The following VWA8 variants were observed in gnomAD, a reference collection of about 807,000 sequenced individuals.
VWA8 encodes the protein von Willebrand factor A domain containing 8, also known as von Willebrand factor A domain-containing protein 8.
In VWA8, 221 loss-of-function variants were observed where a neutral mutation model predicts 241.5. That is an observed-to-expected ratio of 0.91 (90% CI 0.82 to 1.02). The LOEUF is 1.02. Ranked by LOEUF, VWA8 falls within the 50% of genes least tolerant of loss-of-function variation. The pLI, the probability that VWA8 is intolerant of heterozygous loss-of-function variation, is 0.00. For synonymous variants in VWA8, 852 were observed against 827.1 expected (o/e 1.03, Z -0.52); for missense variants, 2,322 against 2,328.7 (o/e 1.00, Z 0.06).
rs767649983 is a variant in VWA8, at chr13:41,699,229, C to A, written c.3406G>T (p.Ala1136Ser). 9 of 1,614,056 alleles carry A rather than the reference C, an allele frequency of 5.6e-6. No individual in the cohort carries two copies. In the Admixed American group the frequency reaches 1.3e-4, roughly 24 times the overall value. ...GTCATATTCATAAAGTACAGGGAAGCGGGATTGCATGTAACTACATAGAGA... is the reference window on the plus strand; with the variant it reads ...GTCATATTCATAAAGTACAGGGAAGAGGGATTGCATGTAACTACATAGAGA... ...NTLYVVTCNP[A>S]SLYFMNMTGK... The change falls in exon 29 of 45, where the codon GCT becomes TCT. Residue 1136 changes from alanine to serine, a missense_variant. By Grantham distance (99) the Ala-to-Ser change is moderately conservative. Coordinates refer to ENST00000379310, the MANE Select transcript of VWA8 (RefSeq NM_015058.2).
intron 21 of VWA8, among the ~76,000 whole-genome samples, chr13:41,740,353 T>C (rs1340067796): frequency 6.6e-6 from 1 of 152,234 alleles, no homozygotes; most frequent in Non-Finnish European, 1.5e-5. Flanking sequence ...TTGAAAGCTA[T>C]TCCATAATAT....
chr13:41,627,463 C>T (rs560040330), intron 37 of VWA8, among the ~76,000 whole-genome samples: 1 of 152,070 alleles, frequency 6.6e-6, no homozygotes, highest in East Asian at 1.9e-4. Context: ...TCGCTAGGGC[C>T]GCTCAGGGAG....
intron 9 of VWA8, among the ~76,000 whole-genome samples, chr13:41,872,573 C>T (rs907073702): frequency 9.9e-5 from 15 of 152,108 alleles, no homozygotes; most frequent in Non-Finnish European, 7.4e-5. Context: ...AATCCTTTCC[C>T]CATTGCTTGT....
intron 35 of VWA8, among the ~76,000 whole-genome samples, chr13:41,683,118 C>A (rs2045111798): frequency 6.6e-6 from 1 of 152,064 alleles, no homozygotes; most frequent in African/African-American, 2.4e-5. Flanking sequence ...CTTATGTTCA[C>A]TTAAAAACCT....
intron 42 of VWA8, among the ~76,000 whole-genome samples, chr13:41,583,642 C>CAAAAAAAAAAA (rs935505646): frequency 9.5e-5 from 4 of 42,170 alleles, no homozygotes; most frequent in Non-Finnish European, 1.9e-4. Context: ...GACTCCATCT[C>CAAAAAAAAAAA]AAAAAAAAAA....
rs1241341638 is a variant in VWA8 at position 41,758,226 on chromosome 13, G to A, written c.2426+2902C>T. Among the ~76,000 whole-genome samples, 192 of 150,594 alleles carry A rather than the reference G, an allele frequency of 1.3e-3. 1 individual carries two copies. The highest frequency in any genetic ancestry group is 1.6e-4 in the Non-Finnish European group (11 of 67,284). On this transcript the variant is annotated intron_variant, in intron 21 of 44. Coordinates refer to ENST00000379310, the MANE Select transcript of VWA8 (RefSeq NM_015058.2). ...TAGAAGTATTTGAAGAAATAATGGT[G>A]TCTATTGACCTTGTTACACACTATT...
At chr13:41,889,415 C>T (rs1303725364) in intron 5 of VWA8, among the ~76,000 whole-genome samples, 1 of 151,666 alleles carries the variant, frequency 6.6e-6, no homozygotes, top group East Asian at 1.9e-4. Flanking sequence ...GTCTCGCTCC[C>T]TCACCCAGGC....
At chr13:41,808,086 A>G (rs1329794206) in intron 17 of VWA8, 1 of 152,254 alleles carries the variant, frequency 6.6e-6, no homozygotes, top group African/African-American at 2.4e-5. Context: ...CAGACAAAAT[A>G]GACTTCAAGA....
At chr13:41,708,630 T>A (rs1260525719) in intron 26 of VWA8, among the ~76,000 whole-genome samples, 2 of 152,218 alleles carry the variant, frequency 1.3e-5, no homozygotes, top group Non-Finnish European at 2.9e-5. Context: ...TGCATTTAGC[T>A]ATTATGGCTT....
intron 4 of VWA8, among the ~76,000 whole-genome samples, chr13:41,904,720 A>G (rs1875621025): frequency 6.6e-6 from 1 of 152,156 alleles, no homozygotes; most frequent in Non-Finnish European, 1.5e-5. Context: ...TAAGTTTTAA[A>G]TGTATTAAAA....
chr13:41,901,892 ATAT>A lies in VWA8; in HGVS notation c.483+5691_483+5693del, dbSNP rs1875463811. The stretch of plus-strand genomic sequence containing the variant: ...AAAAAAAAAAAAAAAAAAAAAAAAT[ATAT>A]ATATATATATATATATATACACACA... On this transcript the variant is annotated intron_variant, in intron 4 of 44. Coordinates refer to ENST00000379310, the MANE Select transcript of VWA8 (RefSeq NM_015058.2). 4.1e-4 allele frequency among the ~76,000 whole-genome samples: 35 copies of A among 85,652 alleles called. No individual in the cohort carries two copies. In the East Asian group the frequency reaches 6.3e-3, roughly 15 times the overall value. The allele number at this position is 85,652 out of a possible 152,430, so 56.2% of individuals were successfully genotyped here. A position where few individuals can be genotyped will look rare whatever the true frequency, so the allele number is the denominator to read the frequency against.
At chr13:41,724,173 G>A (rs2045413830) in intron 24 of VWA8, among the ~76,000 whole-genome samples, 1 of 152,118 alleles carries the variant, frequency 6.6e-6, no homozygotes, top group Admixed American at 6.6e-5. Context: ...AGTCACTAAT[G>A]ACCTAGATAA....
rs147217022 is a variant in VWA8, at chr13:41,856,104, G to A, written c.1425+9632C>T. Among the ~76,000 whole-genome samples the A allele has an allele frequency of 4.1e-4, 63 of 152,280 alleles. 2 individuals are homozygous for A. The East Asian group carries it at 6.4e-3, about 15-fold the overall frequency. ...TAGTCTCAGCACTTTGGGAGGCCAA[G>A]GTGGGCAGATCACTTGAGGCCAGGA... is the stretch of plus-strand genomic sequence containing the variant. On this transcript the variant is annotated intron_variant, in intron 12 of 44. Coordinates refer to ENST00000379310, the MANE Select transcript of VWA8 (RefSeq NM_015058.2).
chr13:41,921,911 C>A (rs1876557906), intron 2 of VWA8, among the ~76,000 whole-genome samples: 1 of 152,198 alleles, frequency 6.6e-6, no homozygotes. Flanking sequence ...CAATGACTTT[C>A]TTCACAGAAT....
chr13:41,943,700 T>C (rs1877705695), intron 2 of VWA8, among the ~76,000 whole-genome samples: 1 of 152,212 alleles, frequency 6.6e-6, no homozygotes, highest in Non-Finnish European at 1.5e-5. Context: ...TCAATTTTTT[T>C]AGTGGGCAAC....
At position 41,788,496 on chromosome 13, in the gene VWA8, C is replaced by T. The variant is rs544596406; in HGVS notation, c.2064-953G>A. On this transcript the variant is annotated intron_variant, in intron 17 of 44. Transcript: ENST00000379310. Reference sequence around the variant, plus strand: ...TGACATTATTATCTCTTACCTCCTGCCTCATTTTGGGCCTAGGCTATGATA... The same window carrying T: ...TGACATTATTATCTCTTACCTCCTGTCTCATTTTGGGCCTAGGCTATGATA... Among the ~76,000 whole-genome samples the T allele has an allele frequency of 1.8e-4, 28 of 152,266 alleles. No homozygotes were observed. In the South Asian group the frequency reaches 2.9e-3, roughly 16 times the overall value.
chr13:41,871,894 A>G (rs1225656614), intron 9 of VWA8, among the ~76,000 whole-genome samples: 2 of 152,188 alleles, frequency 1.3e-5, no homozygotes, highest in African/African-American at 4.8e-5. Context: ...GACTTCCACA[A>G]TGGTTGAACT....
At chr13:41,895,978 T>G (rs937026714) in intron 4 of VWA8, among the ~76,000 whole-genome samples, 15 of 151,982 alleles carry the variant, frequency 9.9e-5, no homozygotes, top group African/African-American at 3.6e-4. Flanking sequence ...TTTCCTTTAA[T>G]AATCCATTAG....
chr13:41,948,084 T>C (rs755378701), intron 2 of VWA8, among the ~76,000 whole-genome samples: 7 of 152,256 alleles, frequency 4.6e-5, no homozygotes, highest in Admixed American at 6.5e-5. Context: ...ATATGGATGC[T>C]TGGAGTGGCA....
Sources: gnomAD v4.1 joint callset for allele counts (sites outside exome capture counted in the v4.1 genomes callset) on GRCh38, gnomAD v4.1.1 for gene constraint, MANE v1.5 for transcripts, NCBI Gene and HGNC (gene_info 2026-07-23, HGNC 2026-07-21) for gene names.